NAV2: variants seen among roughly 807,000 people sequenced by gnomAD.
NAV2 encodes the protein neuron navigator 2, also known as helicase, APC down-regulated 1.
In NAV2, 54 loss-of-function variants were observed where a neutral mutation model predicts 223.2. The observed-to-expected ratio is 0.24, with a 90% CI of 0.19 to 0.30. The LOEUF (loss-of-function observed/expected upper bound fraction) is 0.30, where lower values mean the gene tolerates loss of function less well. NAV2 is among the 10% of genes least tolerant of loss of function. The probability of loss-of-function intolerance (pLI) is 1.00; values close to 1 mark genes in which losing one functional copy is unlikely to be tolerated. For missense variants in NAV2, 2,806 were observed against 3,147.5 expected, an observed-to-expected ratio of 0.89 and a Z score of 2.60; for synonymous variants, 1,279 against 1,239.3, an observed-to-expected ratio of 1.03 and a Z score of -0.67.
At chr11:19,582,881 A>G (rs1191987254) in intron 1 of NAV2, among the ~76,000 whole-genome samples, 1 of 152,212 alleles carries the variant, frequency 6.6e-6, no homozygotes, top group African/African-American at 2.4e-5. Flanking sequence ...GTTCCATATG[A>G]ACTTTAAAGT....
intron 1 of NAV2, among the ~76,000 whole-genome samples, chr11:19,399,283 A>G (rs1849588027): frequency 6.6e-6 from 1 of 152,216 alleles, no homozygotes; most frequent in African/African-American, 2.4e-5. Flanking sequence ...TGCCACCTTC[A>G]GAAGTCAGAT....
intron 12 of NAV2, among the ~76,000 whole-genome samples, chr11:20,040,312 A>G (rs1314047188): frequency 6.6e-6 from 1 of 152,202 alleles, no homozygotes; most frequent in Non-Finnish European, 1.5e-5. Flanking sequence ...AAAGATGGAC[A>G]ACAGAGTGCT....
chr11:19,500,155 C>T (rs897695348), intron 1 of NAV2, among the ~76,000 whole-genome samples: 2 of 152,156 alleles, frequency 1.3e-5, no homozygotes. Context: ...TATGCAGAGG[C>T]TTACAAAGAC....
intron 11 of NAV2, among the ~76,000 whole-genome samples, chr11:20,021,624 G>A (rs2054517753): frequency 6.6e-6 from 1 of 152,134 alleles, no homozygotes; most frequent in African/African-American, 2.4e-5. Context: ...ACTTGGGTCT[G>A]TCCCAACTTT....
At chr11:19,437,639 G>A (rs1428198092) in intron 1 of NAV2, among the ~76,000 whole-genome samples, 1 of 152,028 alleles carries the variant, frequency 6.6e-6, no homozygotes, top group Non-Finnish European at 1.5e-5. Flanking sequence ...TTTGTAAAAA[G>A]GTTGTTGCAT....
chr11:19,586,956 G>A (rs1162512319), intron 1 of NAV2, among the ~76,000 whole-genome samples: 5 of 152,232 alleles, frequency 3.3e-5, no homozygotes, highest in African/African-American at 1.2e-4. Flanking sequence ...CTTTTGTTTG[G>A]CTATGCCCTG....
chr11:20,043,890 A>G, intron 12 of NAV2, 91 bp from the exon 13 acceptor site: 1 of 1,141,700 alleles, frequency 8.8e-7, no homozygotes, highest in South Asian at 1.4e-5. Context: ...TCCCTTAACT[A>G]CTCCAGTGTT....
chr11:19,731,713 A>G (rs2051789885), intron 1 of NAV2, among the ~76,000 whole-genome samples: 2 of 152,238 alleles, frequency 1.3e-5, no homozygotes, highest in African/African-American at 4.8e-5. Context: ...GCATGGGCCG[A>G]TCATTTAACC....
At chr11:19,380,588 A>G (rs2133924941) in intron 1 of NAV2, 1 of 152,358 alleles carries the variant, frequency 6.6e-6, no homozygotes, top group East Asian at 1.9e-4. Flanking sequence ...ATGACAAAGC[A>G]TTGGAGGTCA....
At chr11:19,663,587 C>G (rs2048342330) in intron 1 of NAV2, among the ~76,000 whole-genome samples, 1 of 152,194 alleles carries the variant, frequency 6.6e-6, no homozygotes, top group African/African-American at 2.4e-5. Context: ...CATATAGCAC[C>G]CAGCCTCACA....
chr11:19,817,169 C>A (rs909567105), intron 1 of NAV2, among the ~76,000 whole-genome samples: 3 of 152,162 alleles, frequency 2.0e-5, no homozygotes, highest in Non-Finnish European at 2.9e-5. Flanking sequence ...GCAATGTACA[C>A]CTTATATAGC....
intron 12 of NAV2, among the ~76,000 whole-genome samples, chr11:20,041,211 TAGGG>T (rs1304701418): frequency 1.3e-5 from 2 of 152,170 alleles, no homozygotes; most frequent in African/African-American, 4.8e-5. Context: ...GACTTATCCT[TAGGG>T]AGGGCAGTGT....
intron 1 of NAV2, among the ~76,000 whole-genome samples, chr11:19,466,683 C>G (rs1234089944): frequency 1.3e-5 from 2 of 152,080 alleles, no homozygotes; most frequent in Non-Finnish European, 2.9e-5. Flanking sequence ...CGGGATGAAC[C>G]CAGAGGAGTC....
rs776667121 is a variant in NAV2, at chr11:19,934,214, T to C, written c.1970T>C (p.Leu657Pro). 1 of 1,613,046 alleles carries C rather than the reference T, an allele frequency of 6.2e-7. No individual in the cohort carries two copies. Among genetic ancestry groups the C allele is most frequent in the Non-Finnish European group, 8.5e-7 (1 of 1,179,586 alleles). Residue 657 changes from leucine (L) to proline (P), a missense_variant, in exon 7 of 38, where the codon CTA becomes CCA. By Grantham distance (98) the Leu-to-Pro change is moderately conservative. Around this residue, in one of 4 missense-constraint regions of NAV2, gnomAD observed 1,167 missense variants for 1,180.5 expected, o/e 0.99. Transcript: ENST00000349880. ...TTGSNTVSVQ[L>P]PQPQQQYNHP... ...GGAAGCAATACCGTCAGTGTTCAGC[T>C]ACCTCAGCCCCAGCAGCAATACAAC...
At chr11:19,710,062 G>A (rs972618883), upstream of NAV2, among the ~76,000 whole-genome samples, 3 of 152,098 alleles carry the variant, frequency 2.0e-5, no homozygotes, top group Admixed American at 2.0e-4. Flanking sequence ...ATATTTGAGG[G>A]TCTCAGAACC....
intron 1 of NAV2, among the ~76,000 whole-genome samples, chr11:19,491,218 T>A (rs2042615303): frequency 6.6e-6 from 1 of 152,172 alleles, no homozygotes; most frequent in Non-Finnish European, 1.5e-5. Context: ...AGTTACCAGC[T>A]ATATGAACTC....
intron 1 of NAV2, among the ~76,000 whole-genome samples, chr11:19,762,650 T>G (rs2054860142): frequency 6.8e-6 from 1 of 147,042 alleles, no homozygotes. Context: ...CATCTCACTC[T>G]GTTACCAGGC....
chr11:19,524,020 T>C (rs1305423686), intron 1 of NAV2, among the ~76,000 whole-genome samples: 1 of 152,210 alleles, frequency 6.6e-6, no homozygotes, highest in Non-Finnish European at 1.5e-5. Flanking sequence ...GGTTAGATAC[T>C]CCTCCTCTCT....
chr11:19,510,228 GT>G, intron 1 of NAV2, among the ~76,000 whole-genome samples: 1 of 152,312 alleles, frequency 6.6e-6, no homozygotes, highest in South Asian at 2.1e-4. Flanking sequence ...ATAGCTCTCT[GT>G]TCTAAGCACA....
Sources: allele counts gnomAD v4.1 joint callset (sites outside exome capture counted in the v4.1 genomes callset), GRCh38; gene constraint gnomAD v4.1.1; regional missense constraint gnomAD v4.1.1; transcripts MANE v1.5; gene names NCBI Gene and HGNC (gene_info 2026-07-23, HGNC 2026-07-21).